Variants in STAT2 observed in about 807,000 individuals in gnomAD.
STAT2 encodes interferon alpha induced transcriptional activator.
In STAT2, 51 loss-of-function variants were observed where a neutral mutation model predicts 122.3. That is an observed-to-expected ratio of 0.42 (90% confidence interval 0.33 to 0.53). The LOEUF is 0.53. Among genes scored for constraint, STAT2 ranks in the 20% least tolerant of loss-of-function variants. STAT2 has a pLI of 0.10. For synonymous variants in STAT2, 351 were observed against 394.9 expected (o/e 0.89, Z 1.32); for missense variants, 736 against 1,010.3 (o/e 0.73, Z 3.68).
chr12:56,347,191 T>C (rs904214201), intron 19 of STAT2, among the ~76,000 whole-genome samples: 3 of 145,456 alleles, frequency 2.1e-5, no homozygotes, highest in Admixed American at 6.8e-5. Flanking sequence ...TGAACAGCAC[T>C]TTTTTTTTTT....
intron 10 of STAT2, 74 bp from the exon 11 acceptor site, chr12:56,350,962 G>C: frequency 3.1e-6 from 5 of 1,592,136 alleles, no homozygotes; most frequent in Non-Finnish European, 4.3e-6. Flanking sequence ...TTGAAAAAGA[G>C]AAGAGGGATT....
Position 56,349,355 on chromosome 12 carries a change from TTC to T in STAT2, c.1341+69_1341+70del, listed in dbSNP as rs770897547. On this transcript the variant is annotated intron_variant, in intron 15 of 23. Coordinates refer to ENST00000314128, the MANE Select transcript of STAT2 (RefSeq NM_005419.4). ...GGAGTGCTAACCCACCCCAAGAGGC[TTC>T]TGTTTATCCCCTTCTTATGCCTTCT... 8.7e-6 allele frequency: 14 copies of T among 1,613,972 alleles called. No homozygotes were observed. The Admixed American group carries it at 2.2e-4, about 25-fold the overall frequency.
Position 56,348,967 on chromosome 12 carries a change from G to A in STAT2, c.1533C>T (p.Gly511=), listed in dbSNP as rs1474555563. 2 of 1,613,926 alleles carry A rather than the reference G, an allele frequency of 1.2e-6. No individual in the cohort carries two copies. Among genetic ancestry groups the A allele is most frequent in the South Asian group, 1.1e-5 (1 of 91,044 alleles). The part of the protein sequence containing the change: ...SWQFSSYVGR[G]LNSDQLSMLR... The stretch of plus-strand genomic sequence containing the variant: ...GCATGCTCAGCTGGTCTGAGTTGAG[G>A]CCTCGGCCAACATAGGAGGAGAACT... Residue 511 remains glycine (G), a synonymous_variant, in exon 17 of 24, where the codon GGC becomes GGT. Transcript: ENST00000314128.
chr12:56,359,756 T>A (rs990846382), intron 1 of STAT2, among the ~76,000 whole-genome samples: 1 of 152,216 alleles, frequency 6.6e-6, no homozygotes, highest in African/African-American at 2.4e-5. Flanking sequence ...ACATCGTTTT[T>A]TGGTGAAGAT....
At chr12:56,350,272 C>T (rs758254588) in intron 12 of STAT2, 82 bp from the exon 13 acceptor site, 69 of 1,444,788 alleles carry the variant, frequency 4.8e-5, no homozygotes, top group Non-Finnish European at 6.1e-5. Flanking sequence ...AGAAGTTCCA[C>T]TTCATTTCAG....
At position 56,354,791 on chromosome 12, in the gene STAT2, T is replaced by A. The variant is rs775863138; in HGVS notation, c.620A>T (p.Asp207Val). 6.2e-7 allele frequency: 1 copy of A among 1,614,186 alleles called. No homozygotes were observed. Among genetic ancestry groups the A allele is most frequent in the South Asian group, 1.1e-5 (1 of 91,078 alleles). Residue 207 changes from aspartate (D) to valine (V), a missense_variant, in exon 7 of 24, where the codon GAC becomes GTC. Coordinates refer to ENST00000314128, the MANE Select transcript of STAT2 (RefSeq NM_005419.4). The stretch of plus-strand genomic sequence containing the variant: ...TCTGTCTCCCACCTTTCTCCTTTTG[T>A]CCAGTTCATTGAGAGTTTCCTGCAG... Reference protein sequence around the residue: ...KILQETLNELDKRRKEVLDAS... With the variant: ...KILQETLNELVKRRKEVLDAS...
At chr12:56,354,697 C>A in intron 7 of STAT2, 81 bp downstream of exon 7, 3 of 1,612,204 alleles carry the variant, frequency 1.9e-6, no homozygotes, top group Non-Finnish European at 2.5e-6. Flanking sequence ...ACAAAGAAGC[C>A]AGCGCTAGAG....
chr12:56,351,370 T>C lies in STAT2; in HGVS notation c.863A>G (p.Tyr288Cys), dbSNP rs748250726. The change falls in exon 9 of 24, where the codon TAT (tyrosine) becomes TGT (cysteine). Residue 288 changes from tyrosine to cysteine, a missense_variant. By Grantham distance (194) the Tyr-to-Cys change is radical. Transcript: ENST00000314128. The stretch of plus-strand genomic sequence containing the variant: ...CCCTTTGGTCAGAGGGTCATCCTGA[T>C]AGCTAACCAGGCAACTCAGTCCCTT... The part of the protein sequence containing the change: ...ELKGLSCLVS[Y>C]QDDPLTKGVD... 1.2e-6 allele frequency: 2 copies of C among 1,614,118 alleles called. No individual in the cohort carries two copies. Among genetic ancestry groups the C allele is most frequent in the Non-Finnish European group, 1.7e-6 (2 of 1,180,020 alleles).
chr12:56,349,919 TG>T, intron 13 of STAT2, 177 bp downstream of exon 13: 2 of 662,790 alleles, frequency 3.0e-6, no homozygotes, highest in South Asian at 3.7e-5. Context: ...CATGGTGGTG[TG>T]TGCCTATAGT....
Position 56,344,596 on chromosome 12 carries a change from C to T in STAT2, c.2103-461G>A, listed in dbSNP as rs185923932. 2.6e-4 allele frequency among the ~76,000 whole-genome samples: 39 copies of T among 152,342 alleles called. No individual in the cohort carries two copies. In the East Asian group the frequency reaches 5.2e-3, roughly 20 times the overall value. On this transcript the variant is annotated intron_variant, in intron 22 of 23. Transcript: ENST00000314128. The stretch of plus-strand genomic sequence containing the variant: ...GCGCATAATAAACTCTCAGGCCAGG[C>T]ATGGTGGCTCACACCTGTAATCCAA...
chr12:56,349,208 G>A lies in STAT2; in HGVS notation c.1395C>T (p.Ala465=), dbSNP rs1410159626. Residue 465 remains alanine (A), a synonymous_variant, in exon 16 of 24, where the codon GCC becomes GCT. Coordinates refer to ENST00000314128, the MANE Select transcript of STAT2 (RefSeq NM_005419.4). ...AATTGAACCAGAGAACTGAAGCCCA[G>A]GCAATTGAGAGCTGGTTCATGTTGG... is the stretch of plus-strand genomic sequence containing the variant. The part of the protein sequence containing the change: ...IISNMNQLSI[A]WASVLWFNLL... The A allele has an allele frequency of 6.2e-7, 1 of 1,614,092 alleles. No individual in the cohort carries two copies. The highest frequency in any genetic ancestry group is 1.3e-5 in the African/African-American group (1 of 74,922).
chr12:56,353,555 A>G (rs1374226646), intron 8 of STAT2, among the ~76,000 whole-genome samples: 1 of 152,240 alleles, frequency 6.6e-6, no homozygotes, highest in Non-Finnish European at 1.5e-5. Flanking sequence ...CAATATAATT[A>G]CCATAAAATA....
At chr12:56,345,766 C>A (rs1270178584) in intron 22 of STAT2, among the ~76,000 whole-genome samples, 2 of 149,586 alleles carry the variant, frequency 1.3e-5, no homozygotes, top group African/African-American at 2.5e-5. Context: ...CCAGCCTGGG[C>A]GACAGAACAA....
intron 1 of STAT2, among the ~76,000 whole-genome samples, 183 bp downstream of exon 1, chr12:56,359,875 G>A (rs1462478571): frequency 6.6e-6 from 1 of 152,138 alleles, no homozygotes. Flanking sequence ...GGGGCATTAG[G>A]GTTAGGGAGA....
intron 21 of STAT2, 113 bp from the exon 22 acceptor site, chr12:56,346,316 T>A: frequency 1.3e-6 from 2 of 1,554,854 alleles, no homozygotes; most frequent in Non-Finnish European, 1.8e-6. Flanking sequence ...ACCAGCAGTA[T>A]CCCATGGACG....
intron 21 of STAT2, 59 bp from the exon 22 acceptor site, chr12:56,346,262 G>A: frequency 1.0e-5 from 16 of 1,603,622 alleles, no homozygotes; most frequent in Non-Finnish European, 1.4e-5. Flanking sequence ...ATAGCCTGAG[G>A]TTCCCCTAGT....
intron 18 of STAT2, 63 bp downstream of exon 18, chr12:56,348,689 T>C: frequency 1.9e-6 from 3 of 1,613,382 alleles, no homozygotes; most frequent in Middle Eastern, 1.7e-4. Flanking sequence ...AGGAGGGACG[T>C]GGGAAGGCCA....
intron 21 of STAT2, 40 bp from the exon 22 acceptor site, chr12:56,346,243 G>A (rs1237607875): frequency 1.9e-6 from 3 of 1,611,930 alleles, no homozygotes; most frequent in Non-Finnish European, 2.5e-6. Context: ...AGATCAGTGG[G>A]CCAGACATAT....
chr12:56,348,930 G>T lies in STAT2; in HGVS notation c.1570C>A (p.Leu524Met). Reference sequence around the variant, plus strand: ...GAGAAAAGGAAATCTGTACCGAACAGCTTGTTTCTCAGCATGCTCAGCTGG... The same window carrying T: ...GAGAAAAGGAAATCTGTACCGAACATCTTGTTTCTCAGCATGCTCAGCTGG... ...SDQLSMLRNKLFGQNCRTEDP... is the reference protein window; with the variant it reads ...SDQLSMLRNKMFGQNCRTEDP... The change falls in exon 17 of 24, where the codon CTG (leucine) becomes ATG (methionine). Residue 524 changes from leucine (L) to methionine (M), a missense_variant. Coordinates refer to ENST00000314128, the MANE Select transcript of STAT2 (RefSeq NM_005419.4). The T allele has an allele frequency of 1.9e-6, 3 of 1,613,422 alleles. No homozygotes were observed. The highest frequency in any genetic ancestry group is 2.5e-6 in the Non-Finnish European group (3 of 1,179,622).
Sources: allele counts gnomAD v4.1 joint callset (sites outside exome capture counted in the v4.1 genomes callset), GRCh38; gene constraint gnomAD v4.1.1; transcripts MANE v1.5; gene names NCBI Gene and HGNC (gene_info 2026-07-23, HGNC 2026-07-21).